OPALIN: variants seen among roughly 807,000 people sequenced by gnomAD.
The protein encoded by OPALIN is transmembrane protein 10.
Under a neutral mutation model 17.8 loss-of-function variants are expected in OPALIN, and 15 were observed. The ratio of observed to expected loss-of-function variants is 0.84; its 90% CI spans 0.56 to 1.29. The LOEUF (loss-of-function observed/expected upper bound fraction) is 1.29. Ranked by LOEUF, OPALIN falls within the 50% of genes most tolerant of loss-of-function variation. The pLI is 0.00. For synonymous variants in OPALIN, 62 were observed against 63.8 expected (o/e 0.97, Z 0.14); for missense variants, 170 against 176.0 (o/e 0.97, Z 0.19).
chr10:96,357,223 A>G, intron 1 of OPALIN: 1 of 932,166 alleles, frequency 1.1e-6, no homozygotes, highest in Non-Finnish European at 1.3e-6. Flanking sequence ...AGCAGCCCTA[A>G]GACAAAGCTT....
intron 2 of OPALIN, among the ~76,000 whole-genome samples, chr10:96,354,601 T>C (rs2134029138): frequency 6.6e-6 from 1 of 152,256 alleles, no homozygotes; most frequent in Middle Eastern, 3.4e-3. Context: ...AAAACAATAG[T>C]ACAAAGGCAA....
chr10:96,352,665 T>G lies in OPALIN; in HGVS notation c.40-1255A>C, dbSNP rs964447962. ...CTGTCTTCAGAGTACAGAAATACAC[T>G]TAGGGTGGCTTTCACTAAAAAAAAA... On this transcript the variant is annotated intron_variant, in intron 2 of 5. Transcript: ENST00000371172. Among the ~76,000 whole-genome samples, 17 of 145,594 alleles carry G rather than the reference T, an allele frequency of 1.2e-4. 1 individual carries two copies. The highest frequency in any genetic ancestry group is 3.5e-4 in the African/African-American group (14 of 39,644).
chr10:96,355,231 G>C (rs1345929157), intron 2 of OPALIN, 24 bp downstream of exon 2: 2 of 1,611,694 alleles, frequency 1.2e-6, no homozygotes, highest in African/African-American at 1.3e-5. Context: ...GCGTTGCCTG[G>C]TGAATGGGGG....
intron 1 of OPALIN, among the ~76,000 whole-genome samples, chr10:96,356,262 C>T (rs1023755338): frequency 3.3e-5 from 5 of 152,374 alleles, no homozygotes; most frequent in African/African-American, 1.2e-4. Context: ...TACACCACAG[C>T]TTCCCGTCTT....
chr10:96,347,620 C>T (rs751019356), intron 5 of OPALIN, among the ~76,000 whole-genome samples: 2 of 151,304 alleles, frequency 1.3e-5, no homozygotes, highest in Non-Finnish European at 2.9e-5. Flanking sequence ...TACAGACGAC[C>T]GCCACCACAC....
At chr10:96,346,884 A>G (rs983535040) in intron 5 of OPALIN, among the ~76,000 whole-genome samples, 1 of 152,304 alleles carries the variant, frequency 6.6e-6, no homozygotes, top group East Asian at 1.9e-4. Flanking sequence ...TTTATTCCAT[A>G]GCATTCTACA....
intron 4 of OPALIN, 48 bp from the exon 5 acceptor site, chr10:96,348,393 G>A (rs1260588926): frequency 1.1e-6 from 1 of 948,858 alleles, no homozygotes. Flanking sequence ...AAGAAGAAGT[G>A]AAGGGTTATA....
intron 1 of OPALIN, among the ~76,000 whole-genome samples, chr10:96,356,364 G>A (rs1349664847): frequency 1.3e-5 from 2 of 152,146 alleles, no homozygotes; most frequent in Non-Finnish European, 2.9e-5. Flanking sequence ...GGAAAGTTGT[G>A]AAACATTAAA....
In OPALIN at chr10:96,346,098, G is replaced by A. The variant is rs765886900; in HGVS notation, c.269C>T (p.Thr90Ile). 3.7e-6 allele frequency: 6 copies of A among 1,613,862 alleles called. No individual in the cohort carries two copies. Among genetic ancestry groups the A allele is most frequent in the Non-Finnish European group, 8.5e-7 (1 of 1,179,874 alleles). ...TGCTCCCATCGTATTCTTCTCATGTGTGGGTGATCTCCTAGGATTCTTAAG... is the reference window on the plus strand; with the variant it reads ...TGCTCCCATCGTATTCTTCTCATGTATGGGTGATCTCCTAGGATTCTTAAG... Reference protein sequence around the residue: ...KISENPRRSPTHEKNTMGAQE... With the variant: ...KISENPRRSPIHEKNTMGAQE... The change falls in exon 6 of 6, where the codon ACA (threonine) becomes ATA (isoleucine). Residue 90 changes from threonine to isoleucine, a missense_variant. Physicochemically the swap from Thr to Ile is moderately conservative, Grantham distance 89. Coordinates refer to ENST00000371172, the MANE Select transcript of OPALIN (RefSeq NM_033207.5).
chr10:96,350,358 G>C (rs1439708976), intron 3 of OPALIN, among the ~76,000 whole-genome samples: 5 of 152,128 alleles, frequency 3.3e-5, no homozygotes, highest in Non-Finnish European at 7.4e-5. Flanking sequence ...TGGGACTACA[G>C]GTGCATGCCA....
chr10:96,347,439 G>A (rs1265417785), intron 5 of OPALIN, among the ~76,000 whole-genome samples: 1 of 151,152 alleles, frequency 6.6e-6, no homozygotes, highest in African/African-American at 2.4e-5. Context: ...TGCAAATAAT[G>A]ACAATTTTGT....
rs762019910 is a variant in OPALIN, at chr10:96,348,284, C to G, written c.249+5G>C. 20 of 1,495,018 alleles carry G rather than the reference C, an allele frequency of 1.3e-5. No homozygotes were observed. The Admixed American group carries it at 2.5e-4, about 19-fold the overall frequency. 92.6% of individuals were successfully genotyped at this position (1,495,018 alleles called of 1,614,324 possible). A position where few individuals can be genotyped will look rare whatever the true frequency, so the allele number is the denominator to read the frequency against. ...TATATAGAGAGTATAACCAAGAGTT[C>G]TTACCTCAGATATCTTGGGATTGTC... On this transcript the variant is annotated splice_donor_5th_base_variant and intron_variant, in intron 5 of 5. Coordinates refer to ENST00000371172, the MANE Select transcript of OPALIN (RefSeq NM_033207.5).
At chr10:96,353,445 A>T in intron 2 of OPALIN, 1 of 1,613,192 alleles carries the variant, frequency 6.2e-7, no homozygotes, top group Non-Finnish European at 8.5e-7. Context: ...AGGATGACCT[A>T]CCATCCGCAT....
chr10:96,355,354 T>G, intron 1 of OPALIN, 64 bp from the exon 2 acceptor site: 2 of 1,450,662 alleles, frequency 1.4e-6, no homozygotes, highest in Non-Finnish European at 1.9e-6. Context: ...CCTCACTTCC[T>G]CAAACTCACT....
chr10:96,352,314 C>T (rs1211423691), intron 2 of OPALIN, among the ~76,000 whole-genome samples: 2 of 151,210 alleles, frequency 1.3e-5, no homozygotes, highest in Non-Finnish European at 2.9e-5. Flanking sequence ...GGGGCTTGGA[C>T]TTTTGACAAT....
chr10:96,351,871 C>T (rs968122611), intron 2 of OPALIN, among the ~76,000 whole-genome samples: 2 of 152,108 alleles, frequency 1.3e-5, no homozygotes, highest in Non-Finnish European at 2.9e-5. Flanking sequence ...GGGGATAATT[C>T]TACATGAAAT....
At chr10:96,356,569 G>T (rs951705258) in intron 1 of OPALIN, among the ~76,000 whole-genome samples, 3 of 152,098 alleles carry the variant, frequency 2.0e-5, no homozygotes, top group Non-Finnish European at 4.4e-5. Flanking sequence ...CCCGAAAGAT[G>T]GTAACAGAGG....
chr10:96,355,850 G>T (rs1219692861), intron 1 of OPALIN, among the ~76,000 whole-genome samples: 2 of 152,170 alleles, frequency 1.3e-5, no homozygotes, highest in Non-Finnish European at 2.9e-5. Flanking sequence ...CAGGGGAACA[G>T]CAAACCCTTC....
Position 96,345,837 on chromosome 10 carries a change from GGATT to G in OPALIN, c.*100_*103del. 3 of 1,123,240 alleles carry G rather than the reference GGATT, an allele frequency of 2.7e-6. No individual in the cohort carries two copies. The highest frequency in any genetic ancestry group is 1.5e-5 in the South Asian group (1 of 67,332). The allele number at this position is 1,123,240 out of a possible 1,614,324, so 69.6% of individuals were successfully genotyped here. ...TGTTCCAGAGCTGTAAATGAAATTT[GGATT>G]GATTAAGAAGCAGCTTGGCATCTTT... On this transcript the variant is annotated 3_prime_UTR_variant, in exon 6 of 6. Coordinates refer to ENST00000371172, the MANE Select transcript of OPALIN (RefSeq NM_033207.5).
Sources: allele counts gnomAD v4.1 joint callset (sites outside exome capture counted in the v4.1 genomes callset), GRCh38; gene constraint gnomAD v4.1.1; transcripts MANE v1.5; gene names NCBI Gene and HGNC (gene_info 2026-07-23, HGNC 2026-07-21).